PKHD1: variants seen among roughly 807,000 people sequenced by gnomAD.
PKHD1 encodes PKHD1 ciliary IPT domain containing fibrocystin/polyductin.
In PKHD1, 291 loss-of-function variants were observed where a neutral mutation model predicts 412.0. That is an observed-to-expected ratio of 0.71 (90% CI 0.64 to 0.78). The LOEUF is 0.78. Ranked by LOEUF, PKHD1 falls within the 30% of genes least tolerant of loss-of-function variation. The pLI is 0.00. For synonymous variants in PKHD1, 1,777 were observed against 1,821.5 expected, an observed-to-expected ratio of 0.98 and a Z score of 0.62; for missense variants, 4,825 against 4,950.7, an observed-to-expected ratio of 0.97 and a Z score of 0.76.
At chr6:51,762,362 A>G (rs1344370577) in intron 55 of PKHD1, among the ~76,000 whole-genome samples, 1 of 152,056 alleles carries the variant, frequency 6.6e-6, no homozygotes, top group Non-Finnish European at 1.5e-5. Flanking sequence ...TATACATAAC[A>G]TTTGTAATGG....
chr6:51,832,952 C>T (rs1441903392), intron 51 of PKHD1, among the ~76,000 whole-genome samples: 3 of 152,130 alleles, frequency 2.0e-5, no homozygotes, highest in Non-Finnish European at 2.9e-5. Context: ...AAGCATCACT[C>T]AGTAAGAGGC....
intron 35 of PKHD1, among the ~76,000 whole-genome samples, chr6:52,006,399 T>G (rs1350036642): frequency 6.9e-6 from 1 of 144,816 alleles, no homozygotes; most frequent in Non-Finnish European, 1.5e-5. Flanking sequence ...TGTTTTGAGA[T>G]GGAGTCTTGC....
At chr6:51,631,047 G>A (rs1407011013) in intron 65 of PKHD1, among the ~76,000 whole-genome samples, 1 of 152,146 alleles carries the variant, frequency 6.6e-6, no homozygotes, top group African/African-American at 2.4e-5. Context: ...GGAGATAGCA[G>A]AGCTTAGGAG....
intron 35 of PKHD1, among the ~76,000 whole-genome samples, chr6:51,966,176 TG>T (rs2127974647): frequency 6.6e-6 from 1 of 152,266 alleles, no homozygotes; most frequent in African/African-American, 2.4e-5. Context: ...CAGCAGGTCC[TG>T]ATGACATGTG....
chr6:52,065,166 T>TAGAG (rs1244491200), intron 12 of PKHD1, 116 bp from the exon 13 acceptor site: 114 of 49,964 alleles, frequency 2.3e-3, no homozygotes, highest in Middle Eastern at 0.011. Flanking sequence ...TATATATATA[T>TAGAG]ATAGAGAGAG....
intron 36 of PKHD1, among the ~76,000 whole-genome samples, chr6:51,946,338 T>A (rs1449659036): frequency 1.3e-5 from 2 of 152,268 alleles, no homozygotes; most frequent in East Asian, 3.9e-4. Context: ...CTAGGTACAT[T>A]TAGAAGAAAG....
At chr6:52,064,915 A>T in intron 13 of PKHD1, 40 bp downstream of exon 13, 1 of 919,610 alleles carries the variant, frequency 1.1e-6, no homozygotes, top group Non-Finnish European at 1.7e-6. Context: ...ATGATTAAAG[A>T]TATTCAGAGT....
At chr6:52,054,546 TTCC>T (rs1194040998) in intron 19 of PKHD1, among the ~76,000 whole-genome samples, 1 of 152,160 alleles carries the variant, frequency 6.6e-6, no homozygotes, top group Non-Finnish European at 1.5e-5. Flanking sequence ...TGAGCCTCAG[TTCC>T]TCAACTCTAA....
At chr6:52,035,796 G>C in intron 27 of PKHD1, 75 bp from the exon 28 acceptor site, 1 of 1,406,720 alleles carries the variant, frequency 7.1e-7, no homozygotes, top group Non-Finnish European at 1.0e-6. Context: ...GCACAAGATG[G>C]ATAAAATGAA....
Position 51,659,736 on chromosome 6 carries a change from G to C in PKHD1, c.10390C>G (p.Pro3464Ala). The C allele has an allele frequency of 6.2e-7, 1 of 1,613,794 alleles. No individual in the cohort carries two copies. The change falls in exon 61 of 67, where the codon CCC (proline) becomes GCC (alanine). Residue 3464 changes from proline (P) to alanine (A), a missense_variant. Coordinates refer to ENST00000371117, the MANE Select transcript of PKHD1 (RefSeq NM_138694.4). ...GSVSTFYSIL[P>A]IRQITKVCFM... The stretch of plus-strand genomic sequence containing the variant: ...CAGACTTTGGTGATTTGCCTGATGG[G>C]TAAGATAGAATAGAAAGTAGACACT...
At chr6:51,965,733 A>G (rs191332361) in intron 35 of PKHD1, among the ~76,000 whole-genome samples, 35 of 152,156 alleles carry the variant, frequency 2.3e-4, no homozygotes, top group Non-Finnish European at 4.0e-4. Flanking sequence ...TTAGAAAACC[A>G]GGCAATTCAT....
At chr6:51,938,792 C>T (rs1409102437) in intron 36 of PKHD1, among the ~76,000 whole-genome samples, 1 of 151,552 alleles carries the variant, frequency 6.6e-6, no homozygotes, top group African/African-American at 2.4e-5. Flanking sequence ...ACTTCTGGTC[C>T]TCAGACCAAG....
At chr6:52,017,886 T>C (rs971705398) in intron 33 of PKHD1, among the ~76,000 whole-genome samples, 2 of 152,234 alleles carry the variant, frequency 1.3e-5, no homozygotes, top group African/African-American at 4.8e-5. Flanking sequence ...ACACTTATAA[T>C]ACACTTAAAT....
chr6:51,779,840 A>C (rs1791676318), intron 53 of PKHD1, among the ~76,000 whole-genome samples: 1 of 152,138 alleles, frequency 6.6e-6, no homozygotes, highest in Non-Finnish European at 1.5e-5. Flanking sequence ...TGCAATTTGC[A>C]TATTTGACAT....
intron 12 of PKHD1, 27 bp from the exon 13 acceptor site, chr6:52,065,077 A>ATG (rs757127841): frequency 2.8e-5 from 32 of 1,151,768 alleles, no homozygotes; most frequent in Middle Eastern, 2.1e-4. Context: ...AAATTTATGT[A>ATG]TGTGTGTGTG....
intron 60 of PKHD1, among the ~76,000 whole-genome samples, chr6:51,718,206 G>C (rs2150805522): frequency 6.6e-6 from 1 of 152,312 alleles, no homozygotes; most frequent in East Asian, 1.9e-4. Context: ...AGGGGAAAAA[G>C]CACTTCCCTT....
chr6:51,699,163 T>C (rs1211288231), intron 60 of PKHD1, among the ~76,000 whole-genome samples: 1 of 152,218 alleles, frequency 6.6e-6, no homozygotes, highest in Non-Finnish European at 1.5e-5. Flanking sequence ...TACAGATTCA[T>C]ATAACTACTA....
chr6:51,784,753 T>C (rs1312099580), intron 53 of PKHD1, among the ~76,000 whole-genome samples: 1 of 152,162 alleles, frequency 6.6e-6, no homozygotes, highest in Non-Finnish European at 1.5e-5. Flanking sequence ...CCTTTCTGCC[T>C]CACGACTACC....
chr6:51,747,684 G>T, intron 58 of PKHD1, 103 bp downstream of exon 58: 1 of 1,003,474 alleles, frequency 1.0e-6, no homozygotes, highest in Non-Finnish European at 1.6e-6. Context: ...GCAAGCACTA[G>T]ACCACAATGT....
Sources: gnomAD v4.1 joint callset for allele counts (sites outside exome capture counted in the v4.1 genomes callset) on GRCh38, gnomAD v4.1.1 for gene constraint, MANE v1.5 for transcripts, NCBI Gene and HGNC (gene_info 2026-07-23, HGNC 2026-07-21) for gene names.